The following RFX4 variants were observed in gnomAD, a reference collection of about 807,000 sequenced individuals.
RFX4 encodes the protein regulatory factor X4.
A neutral mutation model predicts 95.0 loss-of-function variants in RFX4; 10 were observed. The observed-to-expected ratio is 0.11, with a 90% CI of 0.06 to 0.18. The LOEUF (loss-of-function observed/expected upper bound fraction) is 0.18, where lower values mean the gene tolerates loss of function less well. Among genes scored for constraint, RFX4 ranks in the 10% least tolerant of loss-of-function variants. RFX4 has a pLI of 1.00. For synonymous variants in RFX4, 321 were observed against 340.7 expected (o/e 0.94, Z 0.64); for missense variants, 640 against 922.0 (o/e 0.69, Z 3.96).
At chr12:106,600,813 C>A (rs980238427) in intron 1 of RFX4, among the ~76,000 whole-genome samples, 1 of 152,154 alleles carries the variant, frequency 6.6e-6, no homozygotes, top group Non-Finnish European at 1.5e-5. Flanking sequence ...CCTTGCACTC[C>A]AACATCACCT....
chr12:106,652,258 A>AT (rs2040869353), intron 3 of RFX4, among the ~76,000 whole-genome samples: 1 of 152,170 alleles, frequency 6.6e-6, no homozygotes, highest in African/African-American at 2.4e-5. Flanking sequence ...GGCACTTAGT[A>AT]AATATTTGTT....
chr12:106,733,363 C>G (rs1426061965), intron 15 of RFX4: 1 of 305,408 alleles, frequency 3.3e-6, no homozygotes, highest in African/African-American at 2.1e-5. Context: ...TCTTCTCCCA[C>G]AATCTCCAAA....
At chr12:106,635,438 G>A (rs531254846) in intron 2 of RFX4, among the ~76,000 whole-genome samples, 6 of 152,132 alleles carry the variant, frequency 3.9e-5, no homozygotes, top group South Asian at 2.1e-4. Flanking sequence ...TTAGCCACCC[G>A]AGTAGCTGGG....
At chr12:106,709,287 A>G (rs772107970) in intron 8 of RFX4, 43 bp from the exon 9 acceptor site, 2 of 1,524,312 alleles carry the variant, frequency 1.3e-6, no homozygotes, top group Non-Finnish European at 1.8e-6. Flanking sequence ...GGAGGAGCTA[A>G]GCAACATGTG....
chr12:106,623,232 G>A (rs1191808155), intron 2 of RFX4, among the ~76,000 whole-genome samples: 1 of 148,608 alleles, frequency 6.7e-6, no homozygotes, highest in African/African-American at 2.5e-5. Flanking sequence ...TAGAGACAGG[G>A]TTTCACGGTG....
rs113830124 is a variant in RFX4, at chr12:106,626,895, C to T, written c.131-12437C>T. ...AAATGACTCCATCCTGTATCCTAGGCGGGAGTCCAGAACCTTCCAATTCCC... is the reference window on the plus strand; with the variant it reads ...AAATGACTCCATCCTGTATCCTAGGTGGGAGTCCAGAACCTTCCAATTCCC... On this transcript the variant is annotated intron_variant, in intron 2 of 17. Coordinates refer to ENST00000392842, the MANE Select transcript of RFX4 (RefSeq NM_213594.3). Among the ~76,000 whole-genome samples, 756 of 152,238 alleles carry T rather than the reference C, an allele frequency of 5.0e-3. 2 individuals are homozygous for T. The highest frequency in any genetic ancestry group is 0.017 in the African/African-American group (705 of 41,542).
At chr12:106,676,281 G>A (rs1039557917) in intron 4 of RFX4, among the ~76,000 whole-genome samples, 3 of 152,118 alleles carry the variant, frequency 2.0e-5, no homozygotes, top group Non-Finnish European at 4.4e-5. Context: ...TAAGGTAGAA[G>A]GTGCAGAGGT....
At chr12:106,629,431 A>C (rs971046244) in intron 2 of RFX4, among the ~76,000 whole-genome samples, 11 of 152,160 alleles carry the variant, frequency 7.2e-5, no homozygotes, top group Admixed American at 5.9e-4. Flanking sequence ...CTGCCAAATG[A>C]CCTTCCATAC....
At position 106,671,107 on chromosome 12, in the gene RFX4, C is replaced by T. The variant is rs76033104; in HGVS notation, c.316-10886C>T. ...CCTAAAATGACCCCTGAAGTAAGAC[C>T]CACAACTCTCATTTTTAAACTATGT... On this transcript the variant is annotated intron_variant, in intron 4 of 17. Coordinates refer to ENST00000392842, the MANE Select transcript of RFX4 (RefSeq NM_213594.3). Among the ~76,000 whole-genome samples, 51 of 152,224 alleles carry T rather than the reference C, an allele frequency of 3.4e-4. No individual in the cohort carries two copies. In the East Asian group the frequency reaches 9.5e-3, roughly 28 times the overall value.
chr12:106,644,341 C>A (rs2040698770), intron 3 of RFX4, among the ~76,000 whole-genome samples: 1 of 147,544 alleles, frequency 6.8e-6, no homozygotes, highest in Non-Finnish European at 1.5e-5. Flanking sequence ...TCAAGCAATT[C>A]TCCTGCCTCA....
intron 1 of RFX4, among the ~76,000 whole-genome samples, chr12:106,597,446 G>A (rs138118840): frequency 1.8e-4 from 28 of 152,316 alleles, no homozygotes; most frequent in African/African-American, 6.7e-4. Context: ...AAGGTGGGAT[G>A]CCTTAGAGGT....
rs1342487477 is a variant in RFX4 at position 106,710,017 on chromosome 12, T to G, written c.934+587T>G. Among the ~76,000 whole-genome samples, 3 of 152,218 alleles carry G rather than the reference T, an allele frequency of 2.0e-5. No homozygotes were observed. The South Asian group carries it at 6.2e-4, about 32-fold the overall frequency. ...TAAAGGGATTGAGACTGTGAACCTT[T>G]TCTTTGCTGAGTGTTGGCACCCATT... is the stretch of plus-strand genomic sequence containing the variant. On this transcript the variant is annotated intron_variant, in intron 9 of 17. Transcript: ENST00000392842.
chr12:106,661,830 G>T (rs2041080294), intron 4 of RFX4, among the ~76,000 whole-genome samples: 1 of 152,148 alleles, frequency 6.6e-6, no homozygotes, highest in African/African-American at 2.4e-5. Context: ...AGCCTTTTCA[G>T]ATTGGCCTCT....
At chr12:106,715,358 T>A in intron 10 of RFX4, 42 bp from the exon 11 acceptor site, 1 of 1,596,994 alleles carries the variant, frequency 6.3e-7, no homozygotes, top group Non-Finnish European at 8.6e-7. Context: ...GAAAGGGTTT[T>A]AACAACCCAT....
chr12:106,644,233 T>A (rs991434835), intron 3 of RFX4, among the ~76,000 whole-genome samples: 1 of 146,546 alleles, frequency 6.8e-6, no homozygotes, highest in South Asian at 2.3e-4. Context: ...ATTTCCCCTT[T>A]TTTTTTTTTT....
intron 16 of RFX4, among the ~76,000 whole-genome samples, chr12:106,749,662 C>A (rs1264022347): frequency 6.6e-6 from 1 of 152,112 alleles, no homozygotes; most frequent in Non-Finnish European, 1.5e-5. Flanking sequence ...CTAAGAAGAA[C>A]AGTGATAATA....
At chr12:106,592,994 G>C (rs538278392) in intron 1 of RFX4, among the ~76,000 whole-genome samples, 1 of 152,290 alleles carries the variant, frequency 6.6e-6, no homozygotes, top group South Asian at 2.1e-4. Flanking sequence ...GGCAACTAGG[G>C]CTGGATTGAC....
At chr12:106,708,106 C>A (rs530052865) in intron 8 of RFX4, among the ~76,000 whole-genome samples, 1 of 152,126 alleles carries the variant, frequency 6.6e-6, no homozygotes, top group African/African-American at 2.4e-5. Context: ...TGCACTCTAG[C>A]CTGGGCAACA....
At chr12:106,648,859 C>G (rs750870574) in intron 3 of RFX4, among the ~76,000 whole-genome samples, 1 of 152,054 alleles carries the variant, frequency 6.6e-6, no homozygotes, top group Non-Finnish European at 1.5e-5. Flanking sequence ...TGCCAGGTGC[C>G]GAAACATTTG....
Sources: allele counts gnomAD v4.1 joint callset (sites outside exome capture counted in the v4.1 genomes callset), GRCh38; gene constraint gnomAD v4.1.1; transcripts MANE v1.5; gene names NCBI Gene and HGNC (gene_info 2026-07-23, HGNC 2026-07-21).